SOX6: variants seen among roughly 807,000 people sequenced by gnomAD.
SOX6 encodes transcription factor SOX-6.
In SOX6, 11 loss-of-function variants were observed where a neutral mutation model predicts 97.8. The observed-to-expected ratio is 0.11, with a 90% confidence interval of 0.07 to 0.19. The LOEUF is 0.19. Ranked by LOEUF, SOX6 falls within the 10% of genes least tolerant of loss-of-function variation. The pLI is 1.00. For missense variants in SOX6, 810 were observed against 1,039.5 expected (o/e 0.78, Z 3.04); for synonymous variants, 360 against 371.4 (o/e 0.97, Z 0.35).
intron 15 of SOX6, among the ~76,000 whole-genome samples, chr11:15,976,027 T>G (rs1321510667): frequency 6.6e-6 from 1 of 152,050 alleles, no homozygotes; most frequent in Non-Finnish European, 1.5e-5. Context: ...AGTGGAGAGA[T>G]ATATATGGCT....
At chr11:16,634,281 CTG>C (rs145795825) in intron 3 of SOX6, among the ~76,000 whole-genome samples, 1,697 of 150,670 alleles carry the variant, frequency 0.011, 24 homozygotes, top group African/African-American at 0.039. Flanking sequence ...AGGGAAAAGT[CTG>C]TGAATTTGTA....
At chr11:16,281,896 A>G (rs1854574330) in intron 3 of SOX6, among the ~76,000 whole-genome samples, 1 of 151,214 alleles carries the variant, frequency 6.6e-6, no homozygotes, top group Non-Finnish European at 1.5e-5. Context: ...CACAAATATA[A>G]ACGTTAACAT....
intron 1 of SOX6, among the ~76,000 whole-genome samples, chr11:16,452,034 G>A (rs1418614789): frequency 8.4e-6 from 1 of 119,756 alleles, no homozygotes; most frequent in Non-Finnish European, 1.7e-5. Context: ...TAAAAAGCAC[G>A]TTTAAGTGAT....
At chr11:16,543,082 A>C (rs1224676153) in intron 4 of SOX6, among the ~76,000 whole-genome samples, 1 of 152,120 alleles carries the variant, frequency 6.6e-6, no homozygotes, top group Non-Finnish European at 1.5e-5. Flanking sequence ...AAATTAATTA[A>C]GTAGTAACAT....
At chr11:16,194,975 TA>T (rs1165688369) in intron 4 of SOX6, among the ~76,000 whole-genome samples, 1 of 152,218 alleles carries the variant, frequency 6.6e-6, no homozygotes, top group African/African-American at 2.4e-5. Context: ...AACCTACACA[TA>T]AAAATAGTAA....
chr11:16,124,173 AT>A (rs1270522778), intron 6 of SOX6, among the ~76,000 whole-genome samples: 1 of 152,144 alleles, frequency 6.6e-6, no homozygotes, highest in African/African-American at 2.4e-5. Flanking sequence ...TGGTTTTCCC[AT>A]GTGGATACAT....
intron 6 of SOX6, among the ~76,000 whole-genome samples, chr11:16,183,557 C>T (rs1851395302): frequency 6.6e-6 from 1 of 151,876 alleles, no homozygotes; most frequent in Non-Finnish European, 1.5e-5. Context: ...TGGTAAAATA[C>T]AAAACAGAAA....
intron 6 of SOX6, among the ~76,000 whole-genome samples, chr11:16,132,405 G>A (rs867553861): frequency 0.012 from 581 of 47,290 alleles, 5 homozygotes; most frequent in Non-Finnish European, 0.015. Flanking sequence ...AAAGAAAAAA[G>A]AAAGAAAGAA....
intron 4 of SOX6, among the ~76,000 whole-genome samples, chr11:16,530,761 T>C (rs368495633): frequency 6.6e-6 from 1 of 151,952 alleles, no homozygotes. Flanking sequence ...CAGACTATCT[T>C]GTCTATAATC....
At chr11:16,281,542 G>GCTAT (rs1854565251) in intron 3 of SOX6, among the ~76,000 whole-genome samples, 3 of 152,020 alleles carry the variant, frequency 2.0e-5, no homozygotes, top group Non-Finnish European at 2.9e-5. Context: ...AATAGTGGAA[G>GCTAT]TGATTGGAAC....
intron 7 of SOX6, 73 bp downstream of exon 7, chr11:16,111,730 T>C (rs1849233930): frequency 1.9e-6 from 3 of 1,566,904 alleles, no homozygotes; most frequent in African/African-American, 2.7e-5. Flanking sequence ...GCTCCTGTGT[T>C]TGTTGTGAGT....
At chr11:16,229,346 G>A (rs866152665) in intron 4 of SOX6, among the ~76,000 whole-genome samples, 1 of 151,938 alleles carries the variant, frequency 6.6e-6, no homozygotes, top group Non-Finnish European at 1.5e-5. Context: ...AATTTGTTAA[G>A]TGAAGTATTC....
Position 16,049,920 on chromosome 11 carries a change from G to C in SOX6, c.1270C>G (p.Pro424Ala). The C allele has an allele frequency of 1.9e-6, 3 of 1,613,690 alleles. No homozygotes were observed. The highest frequency in any genetic ancestry group is 2.5e-6 in the Non-Finnish European group (3 of 1,179,740). Reference sequence around the variant, plus strand: ...TTGGGTCGGGATGAGAGATTCAGAGGCTGTGCTGCTGCTTCATCCTACAAG... The same window carrying C: ...TTGGGTCGGGATGAGAGATTCAGAGCCTGTGCTGCTGCTTCATCCTACAAG... Reference protein sequence around the residue: ...TQVKDEAAAQPLNLSSRPKTA... With the variant: ...TQVKDEAAAQALNLSSRPKTA... The change falls in exon 11 of 16, where the codon CCT (proline) becomes GCT (alanine). Residue 424 changes from proline to alanine, a missense_variant. This residue lies in a region of SOX6 where 244 missense variants were observed against 261.0 expected (regional missense o/e 0.93). Transcript: ENST00000683767.
chr11:16,012,855 G>GTAAGA (rs1177362142), intron 13 of SOX6, among the ~76,000 whole-genome samples: 1 of 151,990 alleles, frequency 6.6e-6, no homozygotes, highest in Admixed American at 6.6e-5. Context: ...GGTAAAAGGC[G>GTAAGA]TAAGACATCC....
At chr11:16,081,495 C>T (rs959770346) in intron 9 of SOX6, among the ~76,000 whole-genome samples, 2 of 152,126 alleles carry the variant, frequency 1.3e-5, no homozygotes, top group African/African-American at 4.8e-5. Context: ...CTGTGCCTGC[C>T]ATAACACCCC....
chr11:16,055,599 C>T (rs1196333573), intron 10 of SOX6, among the ~76,000 whole-genome samples, 153 bp downstream of exon 10: 1 of 152,190 alleles, frequency 6.6e-6, no homozygotes, highest in East Asian at 1.9e-4. Context: ...TTTCTCAATG[C>T]TCAATTATGA....
chr11:15,969,185 T>C lies in SOX6; in HGVS notation c.*3624A>G, dbSNP rs549895977. The C allele has an allele frequency of 6.6e-6, 1 of 151,992 alleles. No individual in the cohort carries two copies. The highest frequency in any genetic ancestry group is 1.5e-5 in the Non-Finnish European group (1 of 67,986). The allele number at this position is 151,992 out of a possible 1,614,324, so 9.4% of individuals were successfully genotyped here. The stretch of plus-strand genomic sequence containing the variant: ...TTTAACAAAATGGAGATAATTTTTA[T>C]TTTTGATTTGAAGATACTATGAAAT... On this transcript the variant is annotated 3_prime_UTR_variant, in exon 16 of 16. Coordinates refer to ENST00000683767, the MANE Select transcript of SOX6 (RefSeq NM_001367873.1).
intron 1 of SOX6, among the ~76,000 whole-genome samples, chr11:16,385,897 T>C (rs1857968924): frequency 6.6e-6 from 1 of 152,208 alleles, no homozygotes; most frequent in African/African-American, 2.4e-5. Flanking sequence ...CCTTTCCCAC[T>C]AGCTAATAGT....
In SOX6 at chr11:16,253,805, G is replaced by T. The variant is rs181556271; in HGVS notation, c.446-19134C>A. Among the ~76,000 whole-genome samples, 5 of 152,118 alleles carry T rather than the reference G, an allele frequency of 3.3e-5. No individual in the cohort carries two copies. The East Asian group carries it at 9.7e-4, about 29-fold the overall frequency. On this transcript the variant is annotated intron_variant, in intron 3 of 15. Transcript: ENST00000683767. The stretch of plus-strand genomic sequence containing the variant: ...GAAAGGAACAGAAACAATATTTGAA[G>T]CAACAATTCCTGAGAATTTTCTCAA...
Sources: allele counts gnomAD v4.1 joint callset (sites outside exome capture counted in the v4.1 genomes callset), GRCh38; gene constraint gnomAD v4.1.1; regional missense constraint gnomAD v4.1.1; transcripts MANE v1.5; gene names NCBI Gene and HGNC (gene_info 2026-07-23, HGNC 2026-07-21).